The following SEPTIN8 variants were observed in gnomAD, a reference collection of about 807,000 sequenced individuals.
SEPTIN8 encodes septin-8.
In SEPTIN8, 22 loss-of-function variants were observed where a neutral mutation model predicts 53.1. The ratio of observed to expected loss-of-function variants is 0.41; its 90% CI spans 0.30 to 0.59. The LOEUF (loss-of-function observed/expected upper bound fraction) is 0.59, where lower values mean the gene tolerates loss of function less well. SEPTIN8 is among the 20% of genes least tolerant of loss of function. The pLI, the probability that SEPTIN8 is intolerant of heterozygous loss-of-function variation, is 0.24. For missense variants in SEPTIN8, 536 were observed against 638.7 expected (o/e 0.84, Z 1.73); for synonymous variants, 228 against 248.4 (o/e 0.92, Z 0.77).
At position 132,751,673 on chromosome 5, in the gene SEPTIN8, T is replaced by C. The variant is rs968367419; in HGVS notation, c.*343A>G. On this transcript the variant is annotated 3_prime_UTR_variant, in exon 10 of 10. Coordinates refer to ENST00000378719, the MANE Select transcript of SEPTIN8 (RefSeq NM_001098811.2). ...ACTTTTCTGCTACCTTGGTCTTGAA[T>C]AGTATGTTTCTATTTTTCAGAATGG... The C allele has an allele frequency of 2.0e-6, 1 of 509,592 alleles. No homozygotes were observed. The highest frequency in any genetic ancestry group is 1.9e-5 in the African/African-American group (1 of 51,362). The allele number at this position is 509,592 out of a possible 1,614,324, so 31.6% of individuals were successfully genotyped here. A position where few individuals can be genotyped will look rare whatever the true frequency, so the allele number is the denominator to read the frequency against.
At chr5:132,756,269 T>G in intron 9 of SEPTIN8, 1 of 985,214 alleles carries the variant, frequency 1.0e-6, no homozygotes, top group East Asian at 1.1e-4. Context: ...TACCCACAAC[T>G]AGAAAGAACA....
At chr5:132,757,347 T>G in intron 9 of SEPTIN8, 1 of 985,420 alleles carries the variant, frequency 1.0e-6, no homozygotes, top group Middle Eastern at 5.2e-4. Flanking sequence ...CGTGCCTCGG[T>G]GGACACACAC....
chr5:132,758,378 TG>T, intron 9 of SEPTIN8: 1 of 1,435,952 alleles, frequency 7.0e-7, no homozygotes, highest in African/African-American at 1.4e-5. Context: ...TGAGGGGAAC[TG>T]GGTGAATTTT....
At chr5:132,777,249 A>G, upstream of SEPTIN8, 2 of 1,127,410 alleles carry the variant, frequency 1.8e-6, no homozygotes, top group Admixed American at 4.9e-5. This position sits in a 1 kb window ranked among gnomAD's most constrained non-coding sequence, Gnocchi z 4.1. Context: ...TGGATCCAAT[A>G]TGGCCACTTC....
chr5:132,765,196 C>T (rs1305923288), intron 2 of SEPTIN8, among the ~76,000 whole-genome samples: 1 of 152,114 alleles, frequency 6.6e-6, no homozygotes, highest in Non-Finnish European at 1.5e-5. Context: ...TGTGCCCGAT[C>T]CAGTTTACTC....
Position 132,751,313 on chromosome 5 carries a change from A to G in SEPTIN8, c.*703T>C, listed in dbSNP as rs757657502. On this transcript the variant is annotated 3_prime_UTR_variant, in exon 10 of 10. Transcript: ENST00000378719. ...ACTTTCCATTCTATGAATACTGTAC[A>G]TAAATATCTGTCTGCTTTTGCTACA... The G allele has an allele frequency of 1.3e-4, 33 of 257,216 alleles. No homozygotes were observed. Among genetic ancestry groups the G allele is most frequent in the Non-Finnish European group, 2.1e-4 (28 of 136,018 alleles). The allele number at this position is 257,216 out of a possible 1,614,324, so 15.9% of individuals were successfully genotyped here.
At position 132,765,429 on chromosome 5, in the gene SEPTIN8, C is replaced by T; in HGVS notation, c.131G>A (p.Ser44Asn). The change falls in exon 2 of 10, where the codon AGC becomes AAC. Residue 44 changes from serine to asparagine, a missense_variant. Physicochemically the swap from Ser to Asn is conservative, Grantham distance 46. Coordinates refer to ENST00000378719, the MANE Select transcript of SEPTIN8 (RefSeq NM_001098811.2). ...LVSKSVTQGF[S>N]FNILCVGETG... ...CTCACCCACACAGAGGATGTTGAAG[C>T]TGAAGCCCTGAGTGACCGACTTGCT... The T allele has an allele frequency of 1.2e-6, 2 of 1,613,734 alleles. 1 individual carries two copies. Among genetic ancestry groups the T allele is most frequent in the South Asian group, 2.2e-5 (2 of 91,078 alleles).
intron 4 of SEPTIN8, 83 bp downstream of exon 4, chr5:132,763,623 G>A: frequency 7.6e-7 from 1 of 1,318,376 alleles, no homozygotes. Context: ...TGAGGACCAT[G>A]GTGTTCAGGC....
chr5:132,778,124 A>C, upstream of SEPTIN8: 2 of 967,028 alleles, frequency 2.1e-6, no homozygotes, highest in Non-Finnish European at 2.5e-6. Flanking sequence ...TATCCTTCTC[A>C]CTGACAATCT....
Position 132,763,804 on chromosome 5 carries a change from GGTA to G in SEPTIN8, c.433_435del (p.Tyr145del). ...AGGCAAACGTGGATCCTTGTGTCATGGTAGTCGAAGAGCGAGCGGCGGATCTTC... is the reference window on the plus strand; with the variant it reads ...AGGCAAACGTGGATCCTTGTGTCATGGTCGAAGAGCGAGCGGCGGATCTTC... On this transcript the variant is annotated inframe_deletion, in exon 4 of 10. Coordinates refer to ENST00000378719, the MANE Select transcript of SEPTIN8 (RefSeq NM_001098811.2). The G allele has an allele frequency of 1.2e-6, 2 of 1,612,808 alleles. No homozygotes were observed. The highest frequency in any genetic ancestry group is 1.7e-6 in the Non-Finnish European group (2 of 1,179,516).
Position 132,773,195 on chromosome 5 carries a change from C to T in SEPTIN8, c.30+3913G>A, listed in dbSNP as rs1445447472. On this transcript the variant is annotated intron_variant, in intron 1 of 9. Transcript: ENST00000378719. The surrounding 1 kb of genome is among the most constrained non-coding windows in gnomAD (Gnocchi z 4.2). ...CATGGAGACCTTGGGAGGGCGTCTC[C>T]TCCCCAGGCAGATGTGTCTCCCTCC... Among the ~76,000 whole-genome samples, 1 of 152,214 alleles carries T rather than the reference C, an allele frequency of 6.6e-6. No homozygotes were observed. Among genetic ancestry groups the T allele is most frequent in the Non-Finnish European group, 1.5e-5 (1 of 68,032 alleles).
rs767783085 is a variant in SEPTIN8 at position 132,750,951 on chromosome 5, T to A, written c.*1065A>T. ...ATGGAGCTGGCTATTCTGGACAGAC[T>A]GCACTGGGACCTCTATATTGGGACG... On this transcript the variant is annotated 3_prime_UTR_variant, in exon 10 of 10. Transcript: ENST00000378719. 1.9e-5 allele frequency: 31 copies of A among 1,614,282 alleles called. No homozygotes were observed. Among genetic ancestry groups the A allele is most frequent in the Non-Finnish European group, 2.5e-5 (30 of 1,180,050 alleles).
Position 132,773,373 on chromosome 5 carries a change from G to T in SEPTIN8, c.30+3735C>A, listed in dbSNP as rs998785585. 2.6e-5 allele frequency among the ~76,000 whole-genome samples: 4 copies of T among 152,178 alleles called. No homozygotes were observed. Among genetic ancestry groups the T allele is most frequent in the East Asian group, 1.9e-4 (1 of 5,190 alleles). On this transcript the variant is annotated intron_variant, in intron 1 of 9. Transcript: ENST00000378719. This position sits in a 1 kb window ranked among gnomAD's most constrained non-coding sequence, Gnocchi z 4.2. ...AGGCCAGCTGGCCCTCAGGCCCTTTGCTCTACCATCCTGCAGCTGCTCGCC... is the reference window on the plus strand; with the variant it reads ...AGGCCAGCTGGCCCTCAGGCCCTTTTCTCTACCATCCTGCAGCTGCTCGCC...
At chr5:132,752,631 G>T (rs1259321501) in intron 9 of SEPTIN8, among the ~76,000 whole-genome samples, 1 of 152,192 alleles carries the variant, frequency 6.6e-6, no homozygotes, top group Non-Finnish European at 1.5e-5. Context: ...AAGGAGGAGA[G>T]GGGTGTGTCA....
intron 1 of SEPTIN8, among the ~76,000 whole-genome samples, chr5:132,769,022 C>G (rs1248050825): frequency 6.6e-6 from 1 of 152,150 alleles, no homozygotes; most frequent in African/African-American, 2.4e-5. Flanking sequence ...AAAGGAGGGA[C>G]AGTGTGGAAG....
intron 1 of SEPTIN8, among the ~76,000 whole-genome samples, chr5:132,769,980 T>TAC (rs1339373373): frequency 3.4e-5 from 2 of 58,724 alleles, no homozygotes; most frequent in Admixed American, 4.1e-4. Flanking sequence ...TCTCTATATA[T>TAC]ACATATATAT....
intron 1 of SEPTIN8, among the ~76,000 whole-genome samples, chr5:132,771,291 G>T (rs1187635545): frequency 6.6e-6 from 1 of 152,182 alleles, no homozygotes; most frequent in East Asian, 1.9e-4. Context: ...CAACAGAGCC[G>T]GGGAAGCTGT....
chr5:132,777,312 CCCCCGCCCGCGGGACCGGCCT>C (rs982393488), upstream of SEPTIN8: 14 of 1,081,090 alleles, frequency 1.3e-5, no homozygotes, highest in African/African-American at 1.7e-5. This position sits in a 1 kb window ranked among gnomAD's most constrained non-coding sequence, Gnocchi z 4.1. Context: ...GCCGCCCCTG[CCCCCGCCCGCGGGACCGGCCT>C]CCCCGCCCGG....
rs1756017620 is a variant in SEPTIN8, at chr5:132,761,923, G to A, written c.697-27C>T. On this transcript the variant is annotated intron_variant, in intron 5 of 9. Coordinates refer to ENST00000378719, the MANE Select transcript of SEPTIN8 (RefSeq NM_001098811.2). The surrounding 1 kb of genome is among the most constrained non-coding windows in gnomAD (Gnocchi z 5.8). ...TGGAAAGGGGCCCGGGTATGCGTAA[G>A]CCCTGAGCTGACACAGACTAATGGC... 1.9e-6 allele frequency: 3 copies of A among 1,549,588 alleles called. No individual in the cohort carries two copies. Among genetic ancestry groups the A allele is most frequent in the Non-Finnish European group, 2.6e-6 (3 of 1,144,500 alleles).
Sources: gnomAD v4.1 joint callset for allele counts (sites outside exome capture counted in the v4.1 genomes callset) on GRCh38, gnomAD v4.1.1 for gene constraint, Gnocchi (gnomAD v3.1) non-coding constraint, MANE v1.5 for transcripts, NCBI Gene and HGNC (gene_info 2026-07-23, HGNC 2026-07-21) for gene names.